Variants in PCDHGB1 observed in about 807,000 individuals in gnomAD.
PCDHGB1 encodes the protein protocadherin gamma-B1.
Under a neutral mutation model 56.6 loss-of-function variants are expected in PCDHGB1, and 34 were observed. That is an observed-to-expected ratio of 0.60 (90% CI 0.46 to 0.80). The LOEUF (loss-of-function observed/expected upper bound fraction) is 0.80. Among genes scored for constraint, PCDHGB1 ranks in the 30% least tolerant of loss-of-function variants. The pLI is 0.00. For synonymous variants in PCDHGB1, 561 were observed against 505.9 expected, an observed-to-expected ratio of 1.11 and a Z score of -1.46; for missense variants, 1,278 against 1,204.6, an observed-to-expected ratio of 1.06 and a Z score of -0.90.
At chr5:141,467,114 G>A (rs971182917) in intron 1 of PCDHGB1, among the ~76,000 whole-genome samples, 5 of 149,522 alleles carry the variant, frequency 3.3e-5, no homozygotes, top group South Asian at 2.1e-4. Context: ...GTACAATGGT[G>A]CAATCTCAGC....
intron 1 of PCDHGB1, chr5:141,393,264 C>A (rs537186931): frequency 6.2e-7 from 1 of 1,613,916 alleles, no homozygotes. Flanking sequence ...TCCTGGAGCA[C>A]GTTATCCACT....
At chr5:141,366,104 G>A in intron 1 of PCDHGB1, 2 of 1,614,250 alleles carry the variant, frequency 1.2e-6, no homozygotes, top group Non-Finnish European at 1.7e-6. Flanking sequence ...GACCAAGGTG[G>A]TAGCGGTGGA....
At chr5:141,388,991 C>G in intron 1 of PCDHGB1, 1 of 1,613,976 alleles carries the variant, frequency 6.2e-7, no homozygotes. Flanking sequence ...TGCTCAAAGT[C>G]CGTGACAAGG....
At chr5:141,357,757 G>T in intron 1 of PCDHGB1, 3 of 1,061,912 alleles carry the variant, frequency 2.8e-6, no homozygotes, top group Non-Finnish European at 4.0e-6. Flanking sequence ...AAAACTGGTG[G>T]ATGACCTTCC....
chr5:141,379,107 T>G (rs74510444), intron 1 of PCDHGB1: 16 of 152,328 alleles, frequency 1.1e-4, no homozygotes, highest in African/African-American at 3.6e-4. Context: ...AAAAAGCAAT[T>G]GAGAAGATAC....
chr5:141,419,138 A>C, intron 1 of PCDHGB1: 1 of 1,613,920 alleles, frequency 6.2e-7, no homozygotes, highest in Non-Finnish European at 8.5e-7. Context: ...AGCCACAGAC[A>C]GGGGCAAGCC....
chr5:141,489,257 T>C lies in PCDHGB1; in HGVS notation c.2410-5550T>C, dbSNP rs2099684606. 5.8e-6 allele frequency: 9 copies of C among 1,550,190 alleles called. No homozygotes were observed. The highest frequency in any genetic ancestry group is 1.4e-5 in the African/African-American group (1 of 73,054). On this transcript the variant is annotated intron_variant, in intron 1 of 3. Transcript: ENST00000523390. This position sits in a 1 kb window ranked among gnomAD's most constrained non-coding sequence, Gnocchi z 4.5. Reference sequence around the variant, plus strand: ...TTCTGGGTCATGGGGCCCAAGACACTCCCACAGCTCGCTGGGAAATGGCAA... The same window carrying C: ...TTCTGGGTCATGGGGCCCAAGACACCCCCACAGCTCGCTGGGAAATGGCAA...
chr5:141,398,018 A>G, intron 1 of PCDHGB1: 1 of 1,425,774 alleles, frequency 7.0e-7, no homozygotes, highest in East Asian at 2.5e-5. Flanking sequence ...TCGTTTCCTA[A>G]ACTGGAACTG....
chr5:141,466,581 T>C (rs1426600962), intron 1 of PCDHGB1, among the ~76,000 whole-genome samples: 2 of 152,198 alleles, frequency 1.3e-5, no homozygotes, highest in Non-Finnish European at 2.9e-5. Flanking sequence ...GTCTCATCCC[T>C]TCTTAAAACA....
intron 1 of PCDHGB1, chr5:141,356,861 A>G: frequency 1.2e-6 from 2 of 1,614,148 alleles, no homozygotes; most frequent in South Asian, 1.1e-5. Context: ...TTTGTGCTGG[A>G]CCAGAACGAC....
At chr5:141,356,600 G>A in intron 1 of PCDHGB1, 2 of 1,614,098 alleles carry the variant, frequency 1.2e-6, no homozygotes, top group Non-Finnish European at 8.5e-7. Flanking sequence ...AACAACCCCA[G>A]AGGAGCCTCC....
intron 1 of PCDHGB1, chr5:141,392,622 A>C: frequency 3.6e-6 from 2 of 558,650 alleles, no homozygotes; most frequent in Non-Finnish European, 6.1e-6. Flanking sequence ...AACCGAAAAC[A>C]CTCAGATCTC....
chr5:141,410,598 C>T, intron 1 of PCDHGB1: 2 of 1,608,528 alleles, frequency 1.2e-6, no homozygotes, highest in Non-Finnish European at 1.7e-6. Context: ...GATTTGACTT[C>T]ACATCCTGAG....
At chr5:141,502,907 G>C (rs1335363561) in intron 2 of PCDHGB1, among the ~76,000 whole-genome samples, 2 of 138,924 alleles carry the variant, frequency 1.4e-5, no homozygotes, top group Non-Finnish European at 3.0e-5. Context: ...CTGTTGCCAG[G>C]CTGGAGTGCA....
At chr5:141,421,044 C>T (rs556562994) in intron 1 of PCDHGB1, 3 of 548,494 alleles carry the variant, frequency 5.5e-6, no homozygotes, top group African/African-American at 1.9e-5. Context: ...CTCCCTCCCC[C>T]GCCTCTACCA....
chr5:141,433,067 T>C, intron 1 of PCDHGB1: 3 of 1,614,144 alleles, frequency 1.9e-6, no homozygotes, highest in Non-Finnish European at 2.5e-6. Context: ...TCACCTGATC[T>C]TCCCCCAGCC....
intron 1 of PCDHGB1, chr5:141,390,549 T>A (rs1258668887): frequency 2.1e-6 from 1 of 482,262 alleles, no homozygotes; most frequent in Non-Finnish European, 3.7e-6. Context: ...AAAGTGAAAG[T>A]GTTAGACAGT....
rs752392369 is a variant in PCDHGB1 at position 141,422,109 on chromosome 5, A to G, written c.2409+69440A>G. ...AAAGCAAGGCTTCTGAAATATTCCA[A>G]TTGGATTCACAAACTGGAGAAGTTC... On this transcript the variant is annotated intron_variant, in intron 1 of 3. Coordinates refer to ENST00000523390, the MANE Select transcript of PCDHGB1 (RefSeq NM_018922.3). 6 of 1,606,850 alleles carry G rather than the reference A, an allele frequency of 3.7e-6. No homozygotes were observed. The African/African-American group carries it at 4.0e-5, about 11-fold the overall frequency.
intron 1 of PCDHGB1, among the ~76,000 whole-genome samples, chr5:141,475,253 A>C (rs2099360990): frequency 6.6e-6 from 1 of 152,200 alleles, no homozygotes; most frequent in Non-Finnish European, 1.5e-5. Flanking sequence ...GTGCTCTACA[A>C]CTGAGATCAT....
Sources: gnomAD v4.1 joint callset for allele counts (sites outside exome capture counted in the v4.1 genomes callset) on GRCh38, gnomAD v4.1.1 for gene constraint, Gnocchi (gnomAD v3.1) non-coding constraint, MANE v1.5 for transcripts, NCBI Gene and HGNC (gene_info 2026-07-23, HGNC 2026-07-21) for gene names.